The following EXOC4 variants were observed in gnomAD, a reference collection of about 807,000 sequenced individuals.
EXOC4 encodes the protein SEC8-like 1.
EXOC4 carries 71 observed loss-of-function variants against 107.2 expected under a neutral mutation model. That is an observed-to-expected ratio of 0.66 (90% CI 0.55 to 0.81). The LOEUF is 0.81. Ranked by LOEUF, EXOC4 falls within the 30% of genes least tolerant of loss-of-function variation. The pLI, the probability that EXOC4 is intolerant of heterozygous loss-of-function variation, is 0.00. For synonymous variants in EXOC4, 456 were observed against 441.2 expected (o/e 1.03, Z -0.42); for missense variants, 1,108 against 1,189.6 (o/e 0.93, Z 1.01).
chr7:133,321,264 T>A (rs1214753129), intron 5 of EXOC4, among the ~76,000 whole-genome samples: 1 of 152,096 alleles, frequency 6.6e-6, no homozygotes, highest in Non-Finnish European at 1.5e-5. Context: ...GAGGTAGAGT[T>A]GTGGGTGACT....
In EXOC4 at chr7:133,896,654, T is replaced by TTTTA. The variant is rs1361558444; in HGVS notation, c.1871+934_1871+937dup. On this transcript the variant is annotated intron_variant, in intron 12 of 17. Transcript: ENST00000253861. The stretch of plus-strand genomic sequence containing the variant: ...GTTGCCCCCTATTTTATTTTATTTA[T>TTTTA]TTTATTTATTTATTTATTCATTTAT... Among the ~76,000 whole-genome samples, 1,051 of 132,656 alleles carry TTTTA rather than the reference T, an allele frequency of 7.9e-3. 14 individuals are homozygous for TTTTA. Among genetic ancestry groups the TTTTA allele is most frequent in the African/African-American group, 0.025 (1,008 of 39,594 alleles). The allele number at this position is 132,656 out of a possible 152,430, so 87.0% of individuals were successfully genotyped here.
intron 15 of EXOC4, among the ~76,000 whole-genome samples, chr7:134,000,318 C>A (rs943878729): frequency 6.6e-6 from 1 of 152,096 alleles, no homozygotes; most frequent in Non-Finnish European, 1.5e-5. Context: ...AGACAGATTT[C>A]ATGCCACTCT....
chr7:133,880,393 T>C (rs1798940114), intron 11 of EXOC4, among the ~76,000 whole-genome samples: 1 of 152,180 alleles, frequency 6.6e-6, no homozygotes, highest in Non-Finnish European at 1.5e-5. Flanking sequence ...TTTTGAAGTG[T>C]GCATGGGTAT....
chr7:133,531,985 AT>A (rs1437978109), intron 9 of EXOC4, among the ~76,000 whole-genome samples: 1 of 152,040 alleles, frequency 6.6e-6, no homozygotes, highest in Non-Finnish European at 1.5e-5. Flanking sequence ...CACGAAATTC[AT>A]TTGTTTTTTA....
intron 7 of EXOC4, among the ~76,000 whole-genome samples, chr7:133,383,554 G>A (rs913424294): frequency 3.3e-5 from 5 of 152,186 alleles, no homozygotes; most frequent in African/African-American, 4.8e-5. Flanking sequence ...TGCAGAGAGA[G>A]CTTGAAGTTT....
intron 7 of EXOC4, among the ~76,000 whole-genome samples, chr7:133,399,751 G>A (rs1253461713): frequency 6.6e-6 from 1 of 152,196 alleles, no homozygotes; most frequent in African/African-American, 2.4e-5. Context: ...ACTAGGGATA[G>A]AGGGCTTAGA....
chr7:133,574,500 G>A (rs759791616), intron 9 of EXOC4, among the ~76,000 whole-genome samples: 2 of 152,262 alleles, frequency 1.3e-5, no homozygotes, highest in Middle Eastern at 3.4e-3. Context: ...TTGGGACTGG[G>A]TAAATTGTTA....
chr7:133,812,305 A>G (rs1797252053), intron 10 of EXOC4, among the ~76,000 whole-genome samples: 1 of 152,198 alleles, frequency 6.6e-6, no homozygotes, highest in Non-Finnish European at 1.5e-5. Flanking sequence ...TCATTTCCTC[A>G]TTAAACCATC....
chr7:133,825,842 A>T (rs1797689960), intron 11 of EXOC4, among the ~76,000 whole-genome samples: 1 of 151,710 alleles, frequency 6.6e-6, no homozygotes, highest in South Asian at 2.1e-4. Context: ...TGATCAATTG[A>T]TTTTTTTTCC....
chr7:133,910,151 AC>A (rs1272402296), intron 12 of EXOC4, among the ~76,000 whole-genome samples: 2 of 152,094 alleles, frequency 1.3e-5, no homozygotes, highest in Non-Finnish European at 2.9e-5. Flanking sequence ...CAAACTCCTG[AC>A]CTCAGGTGAT....
intron 11 of EXOC4, among the ~76,000 whole-genome samples, chr7:133,819,276 A>G (rs905880342): frequency 4.8e-5 from 2 of 41,432 alleles, no homozygotes; most frequent in African/African-American, 1.1e-4. Flanking sequence ...TAAATGGAAT[A>G]CTTTTTTTTT....
rs545854457 is a variant in EXOC4, at chr7:133,475,257, T to C, written c.1183-71T>C. The C allele has an allele frequency of 3.0e-6, 4 of 1,329,464 alleles. No homozygotes were observed. The East Asian group carries it at 9.4e-5, about 31-fold the overall frequency. The allele number at this position is 1,329,464 out of a possible 1,614,324, so 82.4% of individuals were successfully genotyped here. ...TTTTAGAATTAGATTTGCATGGTTT[T>C]AAAATAGTTTTTCTTAATTGCACAT... is the stretch of plus-strand genomic sequence containing the variant. On this transcript the variant is annotated intron_variant, in intron 7 of 17. Transcript: ENST00000253861.
intron 17 of EXOC4, among the ~76,000 whole-genome samples, chr7:134,058,898 G>A (rs1403224033): frequency 2.0e-5 from 3 of 151,600 alleles, no homozygotes; most frequent in South Asian, 2.1e-4. Context: ...TATGTATAAC[G>A]TAGATAATTG....
intron 10 of EXOC4, among the ~76,000 whole-genome samples, chr7:133,794,347 A>C (rs1489499459): frequency 6.6e-6 from 1 of 152,152 alleles, no homozygotes; most frequent in Non-Finnish European, 1.5e-5. Flanking sequence ...CTCCTGGTTT[A>C]AGTGGTGAAT....
Position 133,374,829 on chromosome 7 carries a change from T to C in EXOC4, c.1009T>C (p.Leu337=), listed in dbSNP as rs1306840879. The change falls in exon 7 of 18, where the codon TTG becomes CTG. Residue 337 remains leucine, a splice_region_variant and synonymous_variant. Coordinates refer to ENST00000253861, the MANE Select transcript of EXOC4 (RefSeq NM_021807.4). ...ENVTVENQPR[L]LLELLELLFD... ...TTATTTATTTGTTTATGCCACTAGG[T>C]TGCTTCTAGAACTGCTGGAGTTACT... 2.5e-6 allele frequency: 4 copies of C among 1,611,574 alleles called. No individual in the cohort carries two copies. Among genetic ancestry groups the C allele is most frequent in the Non-Finnish European group, 2.5e-6 (3 of 1,178,184 alleles).
At chr7:133,378,745 G>A (rs2150696597) in intron 7 of EXOC4, among the ~76,000 whole-genome samples, 1 of 152,018 alleles carries the variant, frequency 6.6e-6, no homozygotes, top group East Asian at 1.9e-4. Flanking sequence ...AAATTGAACA[G>A]TGAATAAATA....
intron 5 of EXOC4, among the ~76,000 whole-genome samples, chr7:133,336,619 G>A (rs1795519391): frequency 1.4e-5 from 2 of 146,432 alleles, no homozygotes; most frequent in East Asian, 4.0e-4. Context: ...GTATGTTTAA[G>A]GTTTATTTTT....
At chr7:133,339,390 A>G (rs1472055011) in intron 5 of EXOC4, among the ~76,000 whole-genome samples, 1 of 152,174 alleles carries the variant, frequency 6.6e-6, no homozygotes, top group Admixed American at 6.5e-5. Context: ...TATCAGTACC[A>G]TGCTGTTTTG....
chr7:133,444,335 A>G (rs1196964010), intron 7 of EXOC4, among the ~76,000 whole-genome samples: 1 of 152,158 alleles, frequency 6.6e-6, no homozygotes, highest in Non-Finnish European at 1.5e-5. Context: ...CCCTCCTTCC[A>G]TATGCATCAA....
Sources: gnomAD v4.1 joint callset for allele counts (sites outside exome capture counted in the v4.1 genomes callset) on GRCh38, gnomAD v4.1.1 for gene constraint, MANE v1.5 for transcripts, NCBI Gene and HGNC (gene_info 2026-07-23, HGNC 2026-07-21) for gene names.